The following CMAS variants were observed in gnomAD, a reference collection of about 807,000 sequenced individuals.
CMAS encodes cytidine monophosphate N-acetylneuraminic acid synthetase.
Under a neutral mutation model 53.4 loss-of-function variants are expected in CMAS, and 21 were observed. The observed-to-expected ratio is 0.39, with a 90% CI of 0.28 to 0.57. CMAS has a LOEUF of 0.57. CMAS is among the 20% of genes least tolerant of loss of function. The pLI is 0.56. For missense variants in CMAS, 384 were observed against 534.9 expected (o/e 0.72, Z 2.78); for synonymous variants, 189 against 195.2 (o/e 0.97, Z 0.27).
chr12:22,059,148 A>G (rs867427662), intron 4 of CMAS, among the ~76,000 whole-genome samples: 1 of 139,846 alleles, frequency 7.2e-6, no homozygotes, highest in Non-Finnish European at 1.5e-5. Context: ...ATATATATAT[A>G]TTTTTTTTTT....
intron 3 of CMAS, among the ~76,000 whole-genome samples, chr12:22,058,033 G>T (rs1439255841): frequency 6.6e-6 from 1 of 151,442 alleles, no homozygotes; most frequent in Non-Finnish European, 1.5e-5. Flanking sequence ...CACTATGTTG[G>T]CTGGGCTGCT....
intron 1 of CMAS, among the ~76,000 whole-genome samples, chr12:22,051,712 A>G (rs1950240197): frequency 6.6e-6 from 1 of 152,158 alleles, no homozygotes; most frequent in Non-Finnish European, 1.5e-5. Context: ...TTTTTTTCAC[A>G]GTGTAATTGC....
chr12:22,053,378 T>C (rs934841910), intron 1 of CMAS, among the ~76,000 whole-genome samples: 1 of 150,422 alleles, frequency 6.6e-6, no homozygotes, highest in Non-Finnish European at 1.5e-5. Context: ...TGTGTGTGTA[T>C]ATGTATACAT....
chr12:22,056,208 A>C (rs1950267220), intron 3 of CMAS, among the ~76,000 whole-genome samples: 1 of 152,206 alleles, frequency 6.6e-6, no homozygotes, highest in Admixed American at 6.5e-5. Context: ...CCATTTTAAA[A>C]AAAGGTCATT....
chr12:22,058,730 T>TAAA (rs1245818710), intron 4 of CMAS, 30 bp downstream of exon 4: 1 of 1,605,012 alleles, frequency 6.2e-7, no homozygotes, highest in Admixed American at 1.7e-5. Context: ...ATAACCCTTT[T>TAAA]AAGCGCTTTT....
intron 1 of CMAS, among the ~76,000 whole-genome samples, chr12:22,053,510 A>AATATATATATATATATATACACACCAAAT: frequency 6.8e-6 from 1 of 146,976 alleles, no homozygotes; most frequent in East Asian, 2.0e-4. Context: ...ATACACACCA[A>AATATATATATATATATATACACACCAAAT]ATATATATAT....
intron 3 of CMAS, among the ~76,000 whole-genome samples, chr12:22,056,536 C>A (rs898427267): frequency 2.0e-5 from 3 of 152,106 alleles, no homozygotes; most frequent in African/African-American, 4.8e-5. Context: ...TTAGGAGATA[C>A]ATCTTGTATG....
At chr12:22,053,632 C>A (rs2138180905) in intron 1 of CMAS, among the ~76,000 whole-genome samples, 1 of 151,196 alleles carries the variant, frequency 6.6e-6, no homozygotes, top group South Asian at 2.1e-4. Flanking sequence ...GTAATCCTAG[C>A]ACTTTGGGAG....
intron 1 of CMAS, among the ~76,000 whole-genome samples, chr12:22,053,421 CATT>C (rs778168006): frequency 2.7e-5 from 4 of 150,126 alleles, no homozygotes; most frequent in East Asian, 2.0e-4. Context: ...TATATATACA[CATT>C]ATATATACAC....
At position 22,055,168 on chromosome 12, in the gene CMAS, C is replaced by G. The variant is rs1427126201; in HGVS notation, c.280C>G (p.His94Asp). Residue 94 changes from histidine to aspartate, a missense_variant, in exon 2 of 8, where the codon CAT becomes GAT. Transcript: ENST00000229329. ...GAACAGTGTATGGGTTTCGACAGAC[C>G]ATGATGAAATTGAGAATGTGGCCAA... is the stretch of plus-strand genomic sequence containing the variant. ...AFQSVWVSTD[H>D]DEIENVAKQF... 6.2e-7 allele frequency: 1 copy of G among 1,612,796 alleles called. No homozygotes were observed. The highest frequency in any genetic ancestry group is 8.5e-7 in the Non-Finnish European group (1 of 1,179,494).
intron 4 of CMAS, 109 bp from the exon 5 acceptor site, chr12:22,060,722 AT>A: frequency 1.6e-6 from 1 of 625,254 alleles, no homozygotes; most frequent in South Asian, 2.2e-5. Flanking sequence ...TGGGTTATTC[AT>A]TTTTCTCAGT....
intron 1 of CMAS, among the ~76,000 whole-genome samples, chr12:22,054,933 C>A (rs928549852): frequency 6.6e-6 from 1 of 151,984 alleles, no homozygotes; most frequent in African/African-American, 2.4e-5. Flanking sequence ...TTATATAAAG[C>A]ATATCTAGGA....
At position 22,054,679 on chromosome 12, in the gene CMAS, A is replaced by C. The variant is rs1591793203; in HGVS notation, c.261-470A>C. On this transcript the variant is annotated intron_variant, in intron 1 of 7. Transcript: ENST00000229329. Reference sequence around the variant, plus strand: ...TATACAATATTTTGGATTTGGATGGAGAATAAGCAAGATCTTTAATTTTCT... The same window carrying C: ...TATACAATATTTTGGATTTGGATGGCGAATAAGCAAGATCTTTAATTTTCT... Among the ~76,000 whole-genome samples the C allele has an allele frequency of 2.6e-5, 4 of 151,812 alleles. 1 individual carries two copies. Among genetic ancestry groups the C allele is most frequent in the African/African-American group, 9.7e-5 (4 of 41,386 alleles).
At chr12:22,051,486 C>G (rs1196688786) in intron 1 of CMAS, among the ~76,000 whole-genome samples, 1 of 152,138 alleles carries the variant, frequency 6.6e-6, no homozygotes, top group Non-Finnish European at 1.5e-5. Flanking sequence ...CCTGTTGGTC[C>G]TGTTAGATGT....
chr12:22,059,346 G>A (rs536432627), intron 4 of CMAS, among the ~76,000 whole-genome samples: 1 of 151,768 alleles, frequency 6.6e-6, no homozygotes, highest in African/African-American at 2.4e-5. Context: ...ATTATTTACT[G>A]TGTACTTCGG....
rs776531882 is a variant in CMAS, at chr12:22,055,648, T to G, written c.559+38T>G. The G allele has an allele frequency of 7.7e-6, 12 of 1,567,196 alleles. No homozygotes were observed. In the Admixed American group the frequency reaches 1.5e-4, roughly 19 times the overall value. On this transcript the variant is annotated intron_variant, in intron 3 of 7. Transcript: ENST00000229329. Reference sequence around the variant, plus strand: ...CAGTCTTTATTTTAGCTGATTTTATTGAGAATCAATTTTTTTGTATATAAA... The same window carrying G: ...CAGTCTTTATTTTAGCTGATTTTATGGAGAATCAATTTTTTTGTATATAAA...
At chr12:22,047,171 G>T (rs1036805322) in intron 1 of CMAS, among the ~76,000 whole-genome samples, 2 of 152,160 alleles carry the variant, frequency 1.3e-5, no homozygotes, top group African/African-American at 2.4e-5. Context: ...CAGTGGGAAG[G>T]TGTACAACTG....
At chr12:22,064,837 A>G (rs1950334958) in intron 7 of CMAS, among the ~76,000 whole-genome samples, 1 of 152,208 alleles carries the variant, frequency 6.6e-6, no homozygotes, top group Admixed American at 6.5e-5. Context: ...TAGAATTCAT[A>G]TATAAAATTT....
At chr12:22,053,063 G>A (rs1327322599) in intron 1 of CMAS, among the ~76,000 whole-genome samples, 10 of 151,998 alleles carry the variant, frequency 6.6e-5, no homozygotes, top group Non-Finnish European at 1.5e-5. Flanking sequence ...GGAGGCTGAG[G>A]TGGGAGGGTC....
Sources: gnomAD v4.1 joint callset for allele counts (sites outside exome capture counted in the v4.1 genomes callset) on GRCh38, gnomAD v4.1.1 for gene constraint, MANE v1.5 for transcripts, NCBI Gene and HGNC (gene_info 2026-07-23, HGNC 2026-07-21) for gene names.